The following HS6ST3 variants were observed in gnomAD, a reference collection of about 807,000 sequenced individuals.
HS6ST3 encodes heparan sulfate 6-O-sulfotransferase 3, also known as heparan-sulfate 6-O-sulfotransferase 3.
A neutral mutation model predicts 36.7 loss-of-function variants in HS6ST3; 12 were observed. The observed-to-expected ratio is 0.33, with a 90% confidence interval of 0.21 to 0.53. The LOEUF is 0.53. HS6ST3 is among the 20% of genes least tolerant of loss of function. The pLI is 0.95. For missense variants in HS6ST3, 584 were observed against 640.9 expected (o/e 0.91, Z 0.96); for synonymous variants, 240 against 257.5 (o/e 0.93, Z 0.65).
At chr13:96,624,258 C>G (rs2138996746) in intron 1 of HS6ST3, among the ~76,000 whole-genome samples, 1 of 152,270 alleles carries the variant, frequency 6.6e-6, no homozygotes, top group Non-Finnish European at 1.5e-5. Flanking sequence ...AAAGCCCTCT[C>G]TACCTGACCA....
chr13:96,414,158 G>A lies in HS6ST3; in HGVS notation c.707+322589G>A, dbSNP rs148471376. Among the ~76,000 whole-genome samples the A allele has an allele frequency of 1.6e-4, 24 of 152,142 alleles. 1 individual carries two copies. The East Asian group carries it at 4.6e-3, about 29-fold the overall frequency. On this transcript the variant is annotated intron_variant, in intron 1 of 1. Transcript: ENST00000376705. Reference sequence around the variant, plus strand: ...GGTTAGTGAAGGCTTTAAGAAATAGGGTATTTTGATAGTGTGTATTAAGGA... The same window carrying A: ...GGTTAGTGAAGGCTTTAAGAAATAGAGTATTTTGATAGTGTGTATTAAGGA...
intron 1 of HS6ST3, among the ~76,000 whole-genome samples, chr13:96,113,789 T>G (rs1300520579): frequency 6.6e-6 from 1 of 152,058 alleles, no homozygotes; most frequent in Non-Finnish European, 1.5e-5. Context: ...AGGAAATAAT[T>G]CAAGAGAAGA....
chr13:96,172,140 G>T (rs2054190446), intron 1 of HS6ST3, among the ~76,000 whole-genome samples: 1 of 152,172 alleles, frequency 6.6e-6, no homozygotes, highest in Non-Finnish European at 1.5e-5. Flanking sequence ...TGAAATATGT[G>T]TACTTGTTGA....
intron 1 of HS6ST3, among the ~76,000 whole-genome samples, chr13:96,690,199 A>C (rs892871127): frequency 3.9e-5 from 6 of 152,150 alleles, no homozygotes; most frequent in African/African-American, 1.4e-4. Context: ...AACTTAAAGG[A>C]AAATATTATC....
intron 1 of HS6ST3, among the ~76,000 whole-genome samples, chr13:96,406,113 T>C (rs566178816): frequency 6.6e-6 from 1 of 152,352 alleles, no homozygotes; most frequent in South Asian, 2.1e-4. Context: ...CTAATGAAAT[T>C]AAAATGTTGT....
In HS6ST3 at chr13:96,800,000, A is replaced by ATATATATATGTGTATATATATATATG. The variant is rs1555325267; in HGVS notation, c.708-32481_708-32480insGTGTATATATATATATGTATATATAT. ...TATATATGTATATATATATATATGT[A>ATATATATATGTGTATATATATATATG]TATATATATATATGTATATATATAT... On this transcript the variant is annotated intron_variant, in intron 1 of 1. Coordinates refer to ENST00000376705, the MANE Select transcript of HS6ST3 (RefSeq NM_153456.4). Among the ~76,000 whole-genome samples the ATATATATATGTGTATATATATATATG allele has an allele frequency of 4.9e-4, 44 of 89,348 alleles. 5 individuals are homozygous for ATATATATATGTGTATATATATATATG. The highest frequency in any genetic ancestry group is 2.1e-3 in the African/African-American group (39 of 18,182). The allele number at this position is 89,348 out of a possible 152,430, so 58.6% of individuals were successfully genotyped here.
At chr13:96,282,694 A>G (rs994877708) in intron 1 of HS6ST3, among the ~76,000 whole-genome samples, 5 of 152,178 alleles carry the variant, frequency 3.3e-5, no homozygotes, top group Admixed American at 3.3e-4. Context: ...GTTGAATAAT[A>G]TGTAAGTTCT....
intron 1 of HS6ST3, among the ~76,000 whole-genome samples, chr13:96,667,501 C>G (rs1431923940): frequency 6.6e-6 from 1 of 152,192 alleles, no homozygotes; most frequent in African/African-American, 2.4e-5. Flanking sequence ...CCTTCCTAAA[C>G]TCCATCTCCA....
At chr13:96,488,080 G>A (rs1397802383) in intron 1 of HS6ST3, among the ~76,000 whole-genome samples, 6 of 152,058 alleles carry the variant, frequency 3.9e-5, no homozygotes, top group Non-Finnish European at 8.8e-5. Context: ...TTTGCAAAAT[G>A]TTTCATTTTT....
Position 96,299,476 on chromosome 13 carries a change from T to C in HS6ST3, c.707+207907T>C, listed in dbSNP as rs574866196. On this transcript the variant is annotated intron_variant, in intron 1 of 1. Coordinates refer to ENST00000376705, the MANE Select transcript of HS6ST3 (RefSeq NM_153456.4). ...AAGGTAATGTAAAAGTCACCATGCA[T>C]AGAGAAAACGGCCACCAGATGGAAT... Among the ~76,000 whole-genome samples, 6 of 152,238 alleles carry C rather than the reference T, an allele frequency of 3.9e-5. 1 individual carries two copies. Among genetic ancestry groups the C allele is most frequent in the African/African-American group, 1.2e-4 (5 of 41,552 alleles).
At chr13:96,254,910 G>T (rs2054629544) in intron 1 of HS6ST3, among the ~76,000 whole-genome samples, 1 of 152,186 alleles carries the variant, frequency 6.6e-6, no homozygotes, top group Admixed American at 6.5e-5. Flanking sequence ...TTTTGACCTT[G>T]TGGCTTTCTC....
intron 1 of HS6ST3, among the ~76,000 whole-genome samples, chr13:96,799,805 A>T (rs1021424986): frequency 2.7e-5 from 4 of 150,506 alleles, no homozygotes; most frequent in African/African-American, 9.8e-5. Flanking sequence ...AACTGTGAAC[A>T]TATTTATGGG....
chr13:96,555,265 A>G (rs936961684), intron 1 of HS6ST3, among the ~76,000 whole-genome samples: 3 of 152,150 alleles, frequency 2.0e-5, no homozygotes, highest in African/African-American at 7.2e-5. Context: ...GTATTTCACA[A>G]TGTATACATT....
chr13:96,811,035 T>G (rs1405694767), intron 1 of HS6ST3, among the ~76,000 whole-genome samples: 1 of 150,818 alleles, frequency 6.6e-6, no homozygotes, highest in East Asian at 2.0e-4. Context: ...ATGGGTCTGT[T>G]TAGGACAAGT....
chr13:96,090,898 G>T lies in HS6ST3; in HGVS notation c.36G>T (p.Pro12=). The T allele has an allele frequency of 6.6e-7, 1 of 1,513,934 alleles. No individual in the cohort carries two copies. Among genetic ancestry groups the T allele is most frequent in the South Asian group, 1.2e-5 (1 of 83,788 alleles). The allele number at this position is 1,513,934 out of a possible 1,614,324, so 93.8% of individuals were successfully genotyped here. Residue 12 remains proline (P), a synonymous_variant, in exon 1 of 2, where the codon CCG becomes CCT. Coordinates refer to ENST00000376705, the MANE Select transcript of HS6ST3 (RefSeq NM_153456.4). Reference sequence around the variant, plus strand: ...GGTTCAACAAGTGGCTGCTGACGCCGGTGCTCACTCTCCTCTTCGTGGTCA... The same window carrying T: ...GGTTCAACAAGTGGCTGCTGACGCCTGTGCTCACTCTCCTCTTCGTGGTCA... The part of the protein sequence containing the change: ...DERFNKWLLT[P]VLTLLFVVIM...
chr13:96,534,242 A>C (rs1236721243), intron 1 of HS6ST3, among the ~76,000 whole-genome samples: 1 of 152,208 alleles, frequency 6.6e-6, no homozygotes, highest in Non-Finnish European at 1.5e-5. Context: ...ATGGGTGAGC[A>C]AATGGATGCT....
chr13:96,833,489 TG>T lies in HS6ST3; in HGVS notation c.*292del, dbSNP rs1007237594. On this transcript the variant is annotated 3_prime_UTR_variant, in exon 2 of 2. Coordinates refer to ENST00000376705, the MANE Select transcript of HS6ST3 (RefSeq NM_153456.4). The stretch of plus-strand genomic sequence containing the variant: ...ACACCGAAAAAGGAGACAGTTCCTG[TG>T]ATCTCCTTTGCAGGAGCATAGAATA... The T allele has an allele frequency of 1.8e-5, 6 of 324,506 alleles. No homozygotes were observed. The highest frequency in any genetic ancestry group is 4.6e-5 in the Admixed American group (1 of 21,966). 20.1% of individuals were successfully genotyped at this position (324,506 alleles called of 1,614,324 possible).
At chr13:96,697,285 G>A (rs1875155720) in intron 1 of HS6ST3, among the ~76,000 whole-genome samples, 2 of 151,780 alleles carry the variant, frequency 1.3e-5, no homozygotes, top group Admixed American at 6.6e-5. Flanking sequence ...GGTGGACAAA[G>A]AGGAAAATAT....
Position 96,090,844 on chromosome 13 carries a change from C to A in HS6ST3, c.-19C>A. The A allele has an allele frequency of 6.8e-7, 1 of 1,478,368 alleles. No individual in the cohort carries two copies. The allele number at this position is 1,478,368 out of a possible 1,614,324, so 91.6% of individuals were successfully genotyped here. On this transcript the variant is annotated 5_prime_UTR_variant, in exon 1 of 2. Transcript: ENST00000376705. ...GCCGCCGCCGCCGCCGCTTCGCCTGCCGGCCTGAGAGCGGGACCATGGATG... is the reference window on the plus strand; with the variant it reads ...GCCGCCGCCGCCGCCGCTTCGCCTGACGGCCTGAGAGCGGGACCATGGATG...
Sources: allele counts gnomAD v4.1 joint callset (sites outside exome capture counted in the v4.1 genomes callset), GRCh38; gene constraint gnomAD v4.1.1; transcripts MANE v1.5; gene names NCBI Gene and HGNC (gene_info 2026-07-23, HGNC 2026-07-21).